The following AHI1 variants were observed in gnomAD, a reference collection of about 807,000 sequenced individuals.
AHI1 encodes the protein Abelson helper integration site 1.
In AHI1, 123 loss-of-function variants were observed where a neutral mutation model predicts 149.3. The observed-to-expected ratio is 0.82, with a 90% CI of 0.71 to 0.96. The LOEUF (loss-of-function observed/expected upper bound fraction) is 0.96. AHI1 is among the 40% of genes least tolerant of loss of function. AHI1 has a pLI of 0.00. For missense variants in AHI1, 1,439 were observed against 1,422.7 expected (o/e 1.01, Z -0.18); for synonymous variants, 475 against 459.8 (o/e 1.03, Z -0.42).
chr6:135,475,101 G>A (rs1310833093), intron 5 of AHI1, among the ~76,000 whole-genome samples: 4 of 152,030 alleles, frequency 2.6e-5, no homozygotes, highest in East Asian at 1.9e-4. Flanking sequence ...TATAATGTTC[G>A]AGTTATCTAT....
chr6:135,287,487 G>A lies in AHI1; in HGVS notation c.3589-1840C>T, dbSNP rs768981476. Among the ~76,000 whole-genome samples the A allele has an allele frequency of 4.6e-5, 7 of 152,176 alleles. 1 individual carries two copies. Among genetic ancestry groups the A allele is most frequent in the Admixed American group, 2.0e-4 (3 of 15,284 alleles). On this transcript the variant is annotated intron_variant, in intron 28 of 28. Coordinates refer to ENST00000265602, the MANE Select transcript of AHI1 (RefSeq NM_001134831.2). ...CTCCTGACGATGGGAGGAAAATCAA[G>A]AGTGGCACACTGGCTTGATGAACGC...
intron 23 of AHI1, among the ~76,000 whole-genome samples, chr6:135,385,813 AAAAAC>A (rs1360384089): frequency 2.0e-5 from 3 of 152,196 alleles, no homozygotes; most frequent in Admixed American, 1.3e-4. Flanking sequence ...AAACAAAAAC[AAAAAC>A]AAAACAAAAC....
At chr6:135,324,329 A>G (rs558265262) in intron 24 of AHI1, among the ~76,000 whole-genome samples, 1 of 150,606 alleles carries the variant, frequency 6.6e-6, no homozygotes, top group Non-Finnish European at 1.5e-5. Flanking sequence ...CCTTGTCTCT[A>G]AAAAAAAAGA....
At chr6:135,404,882 G>A in intron 22 of AHI1, 69 bp downstream of exon 22, 1 of 1,376,292 alleles carries the variant, frequency 7.3e-7, no homozygotes, top group East Asian at 2.3e-5. Flanking sequence ...TCTATGAATG[G>A]TGCATTCCAG....
At position 135,302,904 on chromosome 6, in the gene AHI1, C is replaced by G. The variant is rs1300112460; in HGVS notation, c.3427-2346G>C. 7.0e-6 allele frequency: 6 copies of G among 857,552 alleles called. No homozygotes were observed. In the African/African-American group the frequency reaches 1.1e-4, roughly 16 times the overall value. 53.1% of individuals were successfully genotyped at this position (857,552 alleles called of 1,614,324 possible). On this transcript the variant is annotated intron_variant, in intron 26 of 28. Coordinates refer to ENST00000265602, the MANE Select transcript of AHI1 (RefSeq NM_001134831.2). ...GACAACGCCAAAGAACATGACTGCC[C>G]TTCTTTCCACACACACTTGTTAGAA...
At chr6:135,442,540 C>T (rs945306123) in intron 14 of AHI1, 42 bp downstream of exon 14, 5 of 1,550,492 alleles carry the variant, frequency 3.2e-6, no homozygotes, top group Middle Eastern at 1.7e-4. Context: ...ATGTCCTCCA[C>T]GTGGACTACA....
intron 26 of AHI1, among the ~76,000 whole-genome samples, chr6:135,309,708 C>G (rs575327887): frequency 6.6e-6 from 1 of 152,192 alleles, no homozygotes; most frequent in Non-Finnish European, 1.5e-5. Context: ...TCTCGAACTC[C>G]CGACCTCAGG....
chr6:135,433,680 G>A (rs1188128149), intron 15 of AHI1, among the ~76,000 whole-genome samples: 1 of 151,842 alleles, frequency 6.6e-6, no homozygotes, highest in African/African-American at 2.4e-5. Flanking sequence ...TTATTAATGG[G>A]GGTTTAGAGA....
intron 22 of AHI1, among the ~76,000 whole-genome samples, chr6:135,402,900 T>G (rs576905274): frequency 6.6e-6 from 1 of 152,146 alleles, no homozygotes; most frequent in South Asian, 2.1e-4. Flanking sequence ...CTTATTTTTT[T>G]GGGGAGTCAA....
intron 15 of AHI1, among the ~76,000 whole-genome samples, chr6:135,436,822 G>A (rs1346666633): frequency 1.3e-5 from 2 of 152,054 alleles, no homozygotes; most frequent in Non-Finnish European, 2.9e-5. Flanking sequence ...GGCTGATCTC[G>A]AACTCCTGAC....
chr6:135,422,642 T>C (rs968865167), intron 20 of AHI1, among the ~76,000 whole-genome samples: 7 of 151,724 alleles, frequency 4.6e-5, no homozygotes, highest in African/African-American at 1.2e-4. Context: ...TATGTATGTA[T>C]GTATGTATGT....
At chr6:135,365,719 C>T (rs562127333) in intron 23 of AHI1, among the ~76,000 whole-genome samples, 1 of 152,242 alleles carries the variant, frequency 6.6e-6, no homozygotes, top group East Asian at 1.9e-4. Context: ...TTGGATGAGT[C>T]TTTAGCGTTT....
intron 20 of AHI1, among the ~76,000 whole-genome samples, chr6:135,419,877 C>A (rs1022560679): frequency 5.9e-5 from 9 of 152,088 alleles, no homozygotes; most frequent in African/African-American, 2.2e-4. Flanking sequence ...CCTCTCAAAC[C>A]TTGCCATTGC....
intron 5 of AHI1, among the ~76,000 whole-genome samples, chr6:135,488,586 T>A (rs989077235): frequency 2.6e-5 from 4 of 152,188 alleles, no homozygotes; most frequent in African/African-American, 9.6e-5. Context: ...AAAAAAAGAA[T>A]CCCAATATCT....
At chr6:135,299,768 C>T (rs1783616442) in intron 27 of AHI1, among the ~76,000 whole-genome samples, 1 of 151,710 alleles carries the variant, frequency 6.6e-6, no homozygotes, top group African/African-American at 2.4e-5. Flanking sequence ...AATAAATTAC[C>T]CAAATACATT....
At position 135,415,383 on chromosome 6, in the gene AHI1, T is replaced by C. The variant is rs546452550; in HGVS notation, c.2765-3839A>G. Among the ~76,000 whole-genome samples the C allele has an allele frequency of 3.5e-3, 535 of 152,226 alleles. 2 individuals carry two copies. The highest frequency in any genetic ancestry group is 6.8e-3 in the Middle Eastern group (2 of 294). On this transcript the variant is annotated intron_variant, in intron 20 of 28. Transcript: ENST00000265602. The stretch of plus-strand genomic sequence containing the variant: ...TTCTAGTTCTAGATCCCTGAGGAAT[T>C]GCCACACTGACTTCCACAATGGTTG...
intron 11 of AHI1, among the ~76,000 whole-genome samples, chr6:135,450,625 C>T (rs895273980): frequency 6.6e-6 from 1 of 152,118 alleles, no homozygotes; most frequent in African/African-American, 2.4e-5. Flanking sequence ...AAGCTTATCA[C>T]GGTAATTTTA....
chr6:135,462,461 T>C (rs1159936257), intron 8 of AHI1, among the ~76,000 whole-genome samples: 2 of 151,098 alleles, frequency 1.3e-5, no homozygotes, highest in Non-Finnish European at 2.9e-5. Flanking sequence ...GAAATGTTTA[T>C]TGGCTGCTGA....
intron 22 of AHI1, among the ~76,000 whole-genome samples, chr6:135,398,191 C>T (rs1708698611): frequency 6.7e-6 from 1 of 149,736 alleles, no homozygotes; most frequent in Admixed American, 6.8e-5. Flanking sequence ...GTATCTTTTA[C>T]ATTCTCATAA....
Sources: allele counts gnomAD v4.1 joint callset (sites outside exome capture counted in the v4.1 genomes callset), GRCh38; gene constraint gnomAD v4.1.1; transcripts MANE v1.5; gene names NCBI Gene and HGNC (gene_info 2026-07-23, HGNC 2026-07-21).